The following CNR2 variants were observed in gnomAD, a reference collection of about 807,000 sequenced individuals.
The protein encoded by CNR2 is cannabinoid receptor 2 (macrophage).
For missense variants in CNR2, 379 were observed against 439.9 expected, an observed-to-expected ratio of 0.86 and a Z score of 1.24; for synonymous variants, 172 against 182.2, an observed-to-expected ratio of 0.94 and a Z score of 0.45.
Position 23,874,362 on chromosome 1 carries a change from G to A in CNR2, c.*173C>T, listed in dbSNP as rs199509097. On this transcript the variant is annotated 3_prime_UTR_variant, in exon 2 of 2. Coordinates refer to ENST00000374472, the MANE Select transcript of CNR2 (RefSeq NM_001841.3). ...TATCCAACAGACTGTGTGCAGGTGG[G>A]CAAGGCCAGGCTGTCTTCCAGGAGT... 12 of 701,098 alleles carry A rather than the reference G, an allele frequency of 1.7e-5. No homozygotes were observed. Among genetic ancestry groups the A allele is most frequent in the East Asian group, 5.2e-5 (2 of 38,334 alleles). The allele number at this position is 701,098 out of a possible 1,614,324, so 43.4% of individuals were successfully genotyped here. A position where few individuals can be genotyped will look rare whatever the true frequency, so the allele number is the denominator to read the frequency against.
intron 1 of CNR2, among the ~76,000 whole-genome samples, chr1:23,882,486 G>T (rs565622130): frequency 6.6e-6 from 1 of 152,042 alleles, no homozygotes; most frequent in East Asian, 1.9e-4. Context: ...CATCTGAGTC[G>T]TATGCAAAGG....
At chr1:23,892,245 T>G (rs3003323) in intron 1 of CNR2, among the ~76,000 whole-genome samples, 124,388 of 151,912 alleles carry the variant, frequency 0.82, 51,034 homozygotes, top group Admixed American at 0.84. Context: ...GGTTTGGCAG[T>G]GGAGGTGGGA....
In CNR2 at chr1:23,905,183, TTTCTTTC is replaced by T. The variant is rs1378037362; in HGVS notation, c.-46+8056_-46+8062del. 2.2e-3 allele frequency among the ~76,000 whole-genome samples: 328 copies of T among 146,810 alleles called. 2 individuals are homozygous for T. The highest frequency in any genetic ancestry group is 8.6e-3 in the African/African-American group (317 of 36,658). Reference sequence around the variant, plus strand: ...TCTCTGCACTTAACTTTTCTTTTCTTTTCTTTCTTTTTTTTTTTTTGAGATGAGTCTG... The same window carrying T: ...TCTCTGCACTTAACTTTTCTTTTCTTTTTTTTTTTTTTTGAGATGAGTCTG... On this transcript the variant is annotated intron_variant, in intron 1 of 1. Transcript: ENST00000374472.
intron 1 of CNR2, among the ~76,000 whole-genome samples, chr1:23,895,713 C>A (rs531939224): frequency 4.6e-5 from 7 of 152,162 alleles, no homozygotes; most frequent in African/African-American, 1.7e-4. Context: ...TCATATTGGC[C>A]AGGATGGTCT....
intron 1 of CNR2, among the ~76,000 whole-genome samples, chr1:23,890,320 C>T (rs1416321108): frequency 2.6e-5 from 4 of 151,534 alleles, no homozygotes; most frequent in South Asian, 4.2e-4. Flanking sequence ...TGTCCTCCAG[C>T]TATGCCTGAC....
At chr1:23,901,749 G>T in intron 1 of CNR2, 1 of 1,427,572 alleles carries the variant, frequency 7.0e-7, no homozygotes, top group Non-Finnish European at 9.9e-7. Context: ...ACTACCCCAA[G>T]CCTCTTGAGC....
intron 1 of CNR2, among the ~76,000 whole-genome samples, chr1:23,894,469 C>G (rs113812002): frequency 4.9e-3 from 13 of 2,670 alleles, no homozygotes; most frequent in African/African-American, 0.015. Flanking sequence ...AGGAAGGAAG[C>G]AAGGAAGGAA....
rs1256268745 is a variant in CNR2 at position 23,874,132 on chromosome 1, T to C, written c.*403A>G. 1 of 179,438 alleles carries C rather than the reference T, an allele frequency of 5.6e-6. No individual in the cohort carries two copies. The allele number at this position is 179,438 out of a possible 1,614,324, so 11.1% of individuals were successfully genotyped here. ...ATTAGGCAGAGAGAAGACCTGGATG[T>C]CCATCCCATCTGATACCCTGACTTC... is the stretch of plus-strand genomic sequence containing the variant. On this transcript the variant is annotated 3_prime_UTR_variant, in exon 2 of 2. Coordinates refer to ENST00000374472, the MANE Select transcript of CNR2 (RefSeq NM_001841.3).
At chr1:23,911,496 A>G (rs543089890) in intron 1 of CNR2, among the ~76,000 whole-genome samples, 10 of 152,218 alleles carry the variant, frequency 6.6e-5, no homozygotes, top group African/African-American at 2.2e-4. Flanking sequence ...CTCTGGGTCA[A>G]TGTGCATGGG....
chr1:23,885,325 T>C (rs1449121829), intron 1 of CNR2, among the ~76,000 whole-genome samples: 1 of 151,968 alleles, frequency 6.6e-6, no homozygotes, highest in Admixed American at 6.6e-5. Context: ...AGGGGCTGTC[T>C]TGAATACTGT....
intron 1 of CNR2, 105 bp from the exon 2 acceptor site, chr1:23,875,767 C>A: frequency 1.1e-6 from 1 of 903,784 alleles, no homozygotes; most frequent in Non-Finnish European, 1.6e-6. Context: ...TGGATGGATT[C>A]TATGTGGGAA....
At chr1:23,910,654 C>CAAAAAAAAAAAAAAA (rs34083515) in intron 1 of CNR2, among the ~76,000 whole-genome samples, 18 of 32,106 alleles carry the variant, frequency 5.6e-4, no homozygotes, top group Non-Finnish European at 6.8e-4. Context: ...AACGCTGTCT[C>CAAAAAAAAAAAAAAA]AAAAAAAAAA....
At chr1:23,899,392 G>GGGCATA (rs56015103) in intron 1 of CNR2, among the ~76,000 whole-genome samples, 150,971 of 152,244 alleles carry the variant, frequency 0.99, 74,868 homozygotes, top group East Asian at 1. Flanking sequence ...GTTCATTCCT[G>GGGCATA]GGCTGAACTA....
chr1:23,902,870 A>G (rs1052591453), intron 1 of CNR2: 118 of 1,168,264 alleles, frequency 1.0e-4, no homozygotes, highest in Non-Finnish European at 1.2e-4. Flanking sequence ...GCTGTGGGCT[A>G]GGACCGCGGC....
chr1:23,874,938 T>C lies in CNR2; in HGVS notation c.680A>G (p.Gln227Arg). 6.2e-7 allele frequency: 1 copy of C among 1,612,258 alleles called. No homozygotes were observed. Among genetic ancestry groups the C allele is most frequent in the Non-Finnish European group, 8.5e-7 (1 of 1,178,792 alleles). The change falls in exon 2 of 2, where the codon CAG (glutamine) becomes CGG (arginine). Residue 227 changes from glutamine (Q) to arginine (R), a missense_variant. Physicochemically the swap from Gln to Arg is conservative, Grantham distance 43. Transcript: ENST00000374472. The stretch of plus-strand genomic sequence containing the variant: ...GGCCATTCCTGGCACCTGCCTGTCC[T>C]GGTGGCCAGACAAGCTGGCCACATG... Reference protein sequence around the residue: ...HQHVASLSGHQDRQVPGMARM... With the variant: ...HQHVASLSGHRDRQVPGMARM...
intron 1 of CNR2, among the ~76,000 whole-genome samples, chr1:23,884,211 C>G (rs1353109377): frequency 1.3e-5 from 2 of 150,868 alleles, no homozygotes; most frequent in East Asian, 3.9e-4. Context: ...TCCCGAGTAG[C>G]TGGGATTACA....
intron 1 of CNR2, among the ~76,000 whole-genome samples, chr1:23,898,404 T>C (rs1364051284): frequency 3.1e-5 from 4 of 130,358 alleles, no homozygotes; most frequent in African/African-American, 8.9e-5. Flanking sequence ...TGCAGTGGTA[T>C]GATCTCAGCT....
chr1:23,897,769 A>G (rs574870315), intron 1 of CNR2, among the ~76,000 whole-genome samples: 1 of 151,972 alleles, frequency 6.6e-6, no homozygotes, highest in African/African-American at 2.4e-5. Flanking sequence ...CTGAAGTAAC[A>G]TATTTTTAAA....
chr1:23,913,026 A>G (rs1339253732), intron 1 of CNR2, among the ~76,000 whole-genome samples: 10 of 152,088 alleles, frequency 6.6e-5, no homozygotes, highest in South Asian at 2.1e-4. Flanking sequence ...AATTAGCCAG[A>G]CGCAGTAGTG....
Sources: gnomAD v4.1 joint callset for allele counts (sites outside exome capture counted in the v4.1 genomes callset) on GRCh38, gnomAD v4.1.1 for gene constraint, MANE v1.5 for transcripts, NCBI Gene and HGNC (gene_info 2026-07-23, HGNC 2026-07-21) for gene names.